HIP1: variants seen among roughly 807,000 people sequenced by gnomAD.
HIP1 encodes huntingtin interacting protein 1, also known as huntingtin-interacting protein 1.
A neutral mutation model predicts 147.6 loss-of-function variants in HIP1; 65 were observed. The observed-to-expected ratio is 0.44, with a 90% CI of 0.36 to 0.54. The LOEUF (loss-of-function observed/expected upper bound fraction) is 0.54. Among genes scored for constraint, HIP1 ranks in the 20% least tolerant of loss-of-function variants. The probability of loss-of-function intolerance (pLI) is 0.00; values close to 1 mark genes in which losing one functional copy is unlikely to be tolerated. For missense variants in HIP1, 1,061 were observed against 1,299.6 expected, an observed-to-expected ratio of 0.82 and a Z score of 2.82; for synonymous variants, 479 against 504.0, an observed-to-expected ratio of 0.95 and a Z score of 0.67.
At chr7:75,617,073 AT>A (rs71519374) in intron 1 of HIP1, among the ~76,000 whole-genome samples, 18,747 of 123,470 alleles carry the variant, frequency 0.15, 1,640 homozygotes, top group African/African-American at 0.3. Context: ...CACCCAGCTA[AT>A]TTTTTTTTTT....
intron 19 of HIP1, among the ~76,000 whole-genome samples, chr7:75,555,058 G>C (rs1433857037): frequency 6.6e-6 from 1 of 151,750 alleles, no homozygotes; most frequent in Non-Finnish European, 1.5e-5. Context: ...GTGGTGTTGC[G>C]TGCCTGTAGT....
At chr7:75,641,756 G>C (rs536216532) in intron 1 of HIP1, among the ~76,000 whole-genome samples, 32 of 152,326 alleles carry the variant, frequency 2.1e-4, no homozygotes, top group African/African-American at 7.2e-4. Context: ...TGGGATTACA[G>C]GCGTGAGCCA....
Position 75,554,491 on chromosome 7 carries a change from A to G in HIP1, c.1999T>C (p.Cys667Arg). 6.2e-7 allele frequency: 1 copy of G among 1,613,954 alleles called. No homozygotes were observed. Among genetic ancestry groups the G allele is most frequent in the Non-Finnish European group, 8.5e-7 (1 of 1,179,942 alleles). ...CAGCTTTTCTCCAGTTGCTCGATGC[A>G]GCTGGAAATGGATGTGACCGTGGAG... Reference protein sequence around the residue: ...LLSTVTSISSCIEQLEKSWSQ... With the variant: ...LLSTVTSISSRIEQLEKSWSQ... Residue 667 changes from cysteine (C) to arginine (R), a missense_variant, in exon 20 of 31, where the codon TGC (cysteine) becomes CGC (arginine). This residue lies in a region of HIP1 where 810 missense variants were observed against 946.8 expected (regional missense o/e 0.86). Coordinates refer to ENST00000336926, the MANE Select transcript of HIP1 (RefSeq NM_005338.7).
At chr7:75,647,072 G>A (rs1554511206) in intron 1 of HIP1, among the ~76,000 whole-genome samples, 1 of 151,916 alleles carries the variant, frequency 6.6e-6, no homozygotes, top group East Asian at 1.9e-4. Context: ...CAACAAAACT[G>A]TGCGTGGACA....
At chr7:75,710,222 G>T (rs1177394980) in intron 1 of HIP1, among the ~76,000 whole-genome samples, 1 of 151,904 alleles carries the variant, frequency 6.6e-6, no homozygotes, top group African/African-American at 2.4e-5. Flanking sequence ...ATCAGGAAAG[G>T]GTGCTGGATT....
chr7:75,715,015 T>C (rs1368570712), intron 1 of HIP1, among the ~76,000 whole-genome samples: 1 of 152,106 alleles, frequency 6.6e-6, no homozygotes, highest in Non-Finnish European at 1.5e-5. Context: ...CCTGGTCAGG[T>C]ACTTTATAGA....
chr7:75,610,961 A>C (rs937758627), intron 1 of HIP1, among the ~76,000 whole-genome samples: 1 of 150,320 alleles, frequency 6.7e-6, no homozygotes, highest in Non-Finnish European at 1.5e-5. Context: ...GCTGGAGTGC[A>C]GTGGTGTGAG....
intron 2 of HIP1, among the ~76,000 whole-genome samples, chr7:75,597,466 G>A (rs1211013843): frequency 6.6e-6 from 1 of 152,172 alleles, no homozygotes; most frequent in South Asian, 2.1e-4. Flanking sequence ...GAAGTTGGGC[G>A]CGGTGGCTCA....
intron 1 of HIP1, chr7:75,733,318 A>G (rs1398956600): frequency 3.9e-5 from 6 of 152,356 alleles, no homozygotes; most frequent in African/African-American, 1.2e-4. Flanking sequence ...ATGACTGACC[A>G]CCGTGTGGTC....
chr7:75,587,065 C>T (rs1013878221), intron 4 of HIP1, among the ~76,000 whole-genome samples: 5 of 152,090 alleles, frequency 3.3e-5, no homozygotes, highest in African/African-American at 1.2e-4. Context: ...CTCAGCCTCC[C>T]GAGTAGCTGG....
intron 1 of HIP1, among the ~76,000 whole-genome samples, chr7:75,715,475 A>C (rs1482635685): frequency 1.4e-5 from 2 of 148,006 alleles, no homozygotes; most frequent in African/African-American, 2.5e-5. Context: ...AGAGAGAGAG[A>C]GAGAGAGAGA....
At position 75,690,045 on chromosome 7, in the gene HIP1, G is replaced by C. The variant is rs141237459; in HGVS notation, c.120+48756C>G. The stretch of plus-strand genomic sequence containing the variant: ...AGCACTTTGGGAGGCTGAGGCGGCG[G>C]GGGATCGCTTGAACCCAGGACTTCA... On this transcript the variant is annotated intron_variant, in intron 1 of 30. Coordinates refer to ENST00000336926, the MANE Select transcript of HIP1 (RefSeq NM_005338.7). Among the ~76,000 whole-genome samples, 1,179 of 152,172 alleles carry C rather than the reference G, an allele frequency of 7.7e-3. 19 individuals carry two copies. Among genetic ancestry groups the C allele is most frequent in the African/African-American group, 0.027 (1,108 of 41,516 alleles).
intron 1 of HIP1, among the ~76,000 whole-genome samples, chr7:75,671,275 G>T (rs1554515273): frequency 6.6e-6 from 1 of 151,896 alleles, no homozygotes; most frequent in Non-Finnish European, 1.5e-5. Flanking sequence ...TGTATTTTTA[G>T]TAGAGACGGG....
At chr7:75,581,829 C>T (rs1047009832) in intron 6 of HIP1, among the ~76,000 whole-genome samples, 17 of 152,078 alleles carry the variant, frequency 1.1e-4, no homozygotes, top group African/African-American at 4.1e-4. Context: ...GGATAGGTAC[C>T]AGTGTTGGAG....
chr7:75,710,271 G>A (rs527545057), intron 1 of HIP1, among the ~76,000 whole-genome samples: 5 of 152,280 alleles, frequency 3.3e-5, no homozygotes, highest in Middle Eastern at 3.4e-3. Flanking sequence ...AGATGATCAT[G>A]TGGGTTTTTT....
intron 1 of HIP1, among the ~76,000 whole-genome samples, chr7:75,712,468 C>T (rs782731932): frequency 7.9e-5 from 12 of 152,150 alleles, no homozygotes; most frequent in Non-Finnish European, 1.6e-4. Context: ...GGAAAAATCA[C>T]AAAGGGGTGT....
chr7:75,553,639 C>A, intron 21 of HIP1, 50 bp from the exon 22 acceptor site: 1 of 1,572,736 alleles, frequency 6.4e-7, no homozygotes, highest in Non-Finnish European at 8.7e-7. Context: ...GAGTCTCGCT[C>A]TTGTTGCCCA....
chr7:75,576,516 G>T (rs1177563972), intron 7 of HIP1, among the ~76,000 whole-genome samples: 1 of 152,134 alleles, frequency 6.6e-6, no homozygotes. Flanking sequence ...GAGGTCAAGA[G>T]TTCGAGGCCA....
intron 1 of HIP1, among the ~76,000 whole-genome samples, chr7:75,664,644 G>T (rs1018805541): frequency 1.3e-5 from 2 of 151,092 alleles, no homozygotes; most frequent in Non-Finnish European, 3.0e-5. Flanking sequence ...ACAAAGTCTT[G>T]CTCCATTGCT....
Sources: gnomAD v4.1 joint callset for allele counts (sites outside exome capture counted in the v4.1 genomes callset) on GRCh38, gnomAD v4.1.1 for gene constraint, gnomAD v4.1.1 regional missense constraint, MANE v1.5 for transcripts, NCBI Gene and HGNC (gene_info 2026-07-23, HGNC 2026-07-21) for gene names.